C19orf44: variants seen among roughly 807,000 people sequenced by gnomAD.
C19orf44 encodes the protein chromosome 19 open reading frame 44, also known as uncharacterized protein C19orf44.
C19orf44 carries 43 observed loss-of-function variants against 50.7 expected under a neutral mutation model. The ratio of observed to expected loss-of-function variants is 0.85; its 90% CI spans 0.66 to 1.09. C19orf44 has a LOEUF of 1.09. Ranked by LOEUF, C19orf44 falls within the 50% of genes least tolerant of loss-of-function variation. C19orf44 has a pLI of 0.00. For synonymous variants in C19orf44, 298 were observed against 334.7 expected (o/e 0.89, Z 1.20); for missense variants, 722 against 836.2 (o/e 0.86, Z 1.68).
intron 7 of C19orf44, 27 bp downstream of exon 7, chr19:16,514,690 G>A: frequency 6.5e-7 from 1 of 1,532,650 alleles, no homozygotes; most frequent in Non-Finnish European, 8.8e-7. Context: ...ATGGGCAGGG[G>A]CAGGGCAGTA....
rs2303118 is a variant in C19orf44 at position 16,520,670 on chromosome 19, C to G, written c.*617C>G. 3 of 1,125,142 alleles carry G rather than the reference C, an allele frequency of 2.7e-6. No individual in the cohort carries two copies. Among genetic ancestry groups the G allele is most frequent in the African/African-American group, 1.5e-5 (1 of 64,554 alleles). 69.7% of individuals were successfully genotyped at this position (1,125,142 alleles called of 1,614,324 possible). A position where few individuals can be genotyped will look rare whatever the true frequency, so the allele number is the denominator to read the frequency against. On this transcript the variant is annotated 3_prime_UTR_variant, in exon 9 of 9. Transcript: ENST00000221671. The surrounding 1 kb of genome is among the most constrained non-coding windows in gnomAD (Gnocchi z 4.0). Reference sequence around the variant, plus strand: ...CAAGTTCCTAAATAGTGTGGCCGAGCCTGCTGCTGTGTGAATTCAGGCCTT... The same window carrying G: ...CAAGTTCCTAAATAGTGTGGCCGAGGCTGCTGCTGTGTGAATTCAGGCCTT...
intron 6 of C19orf44, among the ~76,000 whole-genome samples, 172 bp from the exon 7 acceptor site, chr19:16,514,325 A>G (rs2093465559): frequency 6.7e-6 from 1 of 149,924 alleles, no homozygotes; most frequent in African/African-American, 2.5e-5. Context: ...TCGAGGCTGC[A>G]GTGCGCTGTG....
intron 3 of C19orf44, among the ~76,000 whole-genome samples, chr19:16,506,007 G>A (rs1599732172): frequency 8.2e-5 from 12 of 147,054 alleles, no homozygotes; most frequent in Middle Eastern, 4.4e-3. Context: ...TAGAGACAGG[G>A]TCTCTCTATG....
chr19:16,504,675 C>T (rs905029846), intron 3 of C19orf44, among the ~76,000 whole-genome samples: 1 of 152,020 alleles, frequency 6.6e-6, no homozygotes, highest in African/African-American at 2.4e-5. Context: ...TCTCAGCTCA[C>T]TGTAATCTCT....
Position 16,509,552 on chromosome 19 carries a change from G to A in C19orf44, c.1203G>A (p.Ala401=), listed in dbSNP as rs74518142. 1.4e-3 allele frequency: 2,148 copies of A among 1,589,354 alleles called. 44 individuals carry two copies. The East Asian group carries it at 0.044, about 33-fold the overall frequency. The change falls in exon 5 of 9, where the codon GCG becomes GCA. Residue 401 remains alanine, a synonymous_variant. Coordinates refer to ENST00000221671, the MANE Select transcript of C19orf44 (RefSeq NM_032207.4). The part of the protein sequence containing the change: ...KTAGKIFRAE[A]STGQDAPRQA... Reference sequence around the variant, plus strand: ...CTGGCAAAATCTTCAGAGCCGAGGCGTCCACTGGGCAGGATGCCCCGAGGC... The same window carrying A: ...CTGGCAAAATCTTCAGAGCCGAGGCATCCACTGGGCAGGATGCCCCGAGGC...
At chr19:16,502,994 AAAAAC>A in intron 2 of C19orf44, 66 bp from the exon 3 acceptor site, 2 of 1,462,860 alleles carry the variant, frequency 1.4e-6, no homozygotes, top group Non-Finnish European at 1.9e-6. Context: ...CTCAAAAAAA[AAAAAC>A]AAAAAACAAA....
intron 4 of C19orf44, 76 bp from the exon 5 acceptor site, chr19:16,509,423 C>G: frequency 6.6e-7 from 1 of 1,509,744 alleles, no homozygotes; most frequent in Non-Finnish European, 8.9e-7. Flanking sequence ...GTCCCCAGCT[C>G]CTAGGAGTGC....
Position 16,519,290 on chromosome 19 carries a change from C to T in C19orf44, c.*41-804C>T, listed in dbSNP as rs1568502936. 6.2e-7 allele frequency: 1 copy of T among 1,613,972 alleles called. No homozygotes were observed. The highest frequency in any genetic ancestry group is 8.5e-7 in the Non-Finnish European group (1 of 1,180,022). On this transcript the variant is annotated intron_variant, in intron 8 of 8. Coordinates refer to ENST00000221671, the MANE Select transcript of C19orf44 (RefSeq NM_032207.4). The surrounding 1 kb of genome is among the most constrained non-coding windows in gnomAD (Gnocchi z 6.0). ...TGGTCCCACTTATCCCGGACGTCCC[C>T]GCCCTTGATGGGGTCCTGGATCCCT...
At chr19:16,506,600 A>C (rs1368033860) in intron 3 of C19orf44, 101 bp from the exon 4 acceptor site, 1 of 839,826 alleles carries the variant, frequency 1.2e-6, no homozygotes, top group South Asian at 2.0e-5. Flanking sequence ...CTCAAAAAAA[A>C]AAAGAAAAGA....
rs1417765742 is a variant in C19orf44, at chr19:16,506,731, G to A, written c.1106G>A (p.Gly369Asp). ...EFRINILSLD[G>D]LAPAVSENSD... ...AGAATAAATATTTTATCGCTTGACG[G>A]TCTGGCTCCAGCTGTCAGTGAGAAC... Residue 369 changes from glycine to aspartate, a missense_variant, in exon 4 of 9, where the codon GGT (glycine) becomes GAT (aspartate). Transcript: ENST00000221671. 4 of 1,605,844 alleles carry A rather than the reference G, an allele frequency of 2.5e-6. No homozygotes were observed. The Admixed American group carries it at 5.1e-5, about 20-fold the overall frequency.
In C19orf44 at chr19:16,509,833, T is replaced by A. The variant is rs201070169; in HGVS notation, c.1484T>A (p.Leu495Gln). The part of the protein sequence containing the change: ...AHSKESLDRT[L>Q]DALSESSSSV... ...TCCAAGGAGTCTCTTGACAGAACAC[T>A]GGACGCTTTGTCTGAATCCTCTTCA... The change falls in exon 5 of 9, where the codon CTG (leucine) becomes CAG (glutamine). Residue 495 changes from leucine (L) to glutamine (Q), a missense_variant. Transcript: ENST00000221671. The A allele has an allele frequency of 8.1e-6, 13 of 1,614,244 alleles. No individual in the cohort carries two copies. The highest frequency in any genetic ancestry group is 8.0e-5 in the African/African-American group (6 of 75,068).
At chr19:16,517,193 A>C in intron 7 of C19orf44, 37 bp from the exon 8 acceptor site, 1 of 1,589,524 alleles carries the variant, frequency 6.3e-7, no homozygotes, top group Non-Finnish European at 8.6e-7. Flanking sequence ...TACTGAGGTG[A>C]CGATGGTGAT....
intron 4 of C19orf44, 70 bp downstream of exon 4, chr19:16,506,844 A>T (rs959005041): frequency 2.4e-5 from 29 of 1,189,174 alleles, no homozygotes; most frequent in Non-Finnish European, 3.2e-5. Context: ...TTAAATTTTT[A>T]AAAAATTTAA....
intron 8 of C19orf44, chr19:16,518,139 A>G (rs1273723042): frequency 7.2e-5 from 11 of 152,162 alleles, no homozygotes; most frequent in Non-Finnish European, 2.9e-5. Context: ...GCCCATGGAC[A>G]CCAGGTGTGG....
intron 7 of C19orf44, among the ~76,000 whole-genome samples, chr19:16,514,889 A>G (rs895529029): frequency 9.9e-5 from 15 of 152,210 alleles, no homozygotes; most frequent in African/African-American, 3.6e-4. Flanking sequence ...CCTTGCAGCC[A>G]GCCCCGCCTG....
rs1324221832 is a variant in C19orf44 at position 16,509,636 on chromosome 19, G to C, written c.1287G>C (p.Glu429Asp). The C allele has an allele frequency of 1.9e-6, 3 of 1,614,246 alleles. No homozygotes were observed. The African/African-American group carries it at 4.0e-5, about 22-fold the overall frequency. The stretch of plus-strand genomic sequence containing the variant: ...AGGCCGCCTCTGCAGAGGGGGATGA[G>C]AGCGAGGTCTCGGAGCATCTCAGTG... ...QGKAASAEGDESEVSEHLSAS... is the reference protein window; with the variant it reads ...QGKAASAEGDDSEVSEHLSAS... The change falls in exon 5 of 9, where the codon GAG becomes GAC. Residue 429 changes from glutamate to aspartate, a missense_variant. By Grantham distance (45) the Glu-to-Asp change is conservative (BLOSUM62 2). Transcript: ENST00000221671.
intron 6 of C19orf44, among the ~76,000 whole-genome samples, chr19:16,513,898 T>A (rs151089276): frequency 3.2e-4 from 49 of 152,172 alleles, no homozygotes; most frequent in African/African-American, 1.1e-3. Flanking sequence ...TTAGAGAGTT[T>A]AGTCTTTGTC....
At position 16,519,752 on chromosome 19, in the gene C19orf44, C is replaced by CT. The variant is rs2085590409; in HGVS notation, c.*41-341dup. ...ACAGGTTATTCTTTTTAAGAAGTAA[C>CT]TGAGACATTTATTGGAATGACAGTG... On this transcript the variant is annotated intron_variant, in intron 8 of 8. Transcript: ENST00000221671. The surrounding 1 kb of genome is among the most constrained non-coding windows in gnomAD (Gnocchi z 6.0). The CT allele has an allele frequency of 6.5e-7, 1 of 1,537,262 alleles. No individual in the cohort carries two copies. The highest frequency in any genetic ancestry group is 1.4e-5 in the African/African-American group (1 of 73,498).
intron 1 of C19orf44, among the ~76,000 whole-genome samples, chr19:16,497,381 C>T (rs1363337838): frequency 9.4e-6 from 1 of 106,012 alleles, no homozygotes; most frequent in African/African-American, 3.7e-5. Context: ...GACAGATTCT[C>T]GCTCTGTTAC....
Sources: allele counts gnomAD v4.1 joint callset (sites outside exome capture counted in the v4.1 genomes callset), GRCh38; gene constraint gnomAD v4.1.1; non-coding constraint Gnocchi (gnomAD v3.1); transcripts MANE v1.5; gene names NCBI Gene and HGNC (gene_info 2026-07-23, HGNC 2026-07-21).